Variants in MEOX2 observed in about 807,000 individuals in gnomAD.
MEOX2 encodes the protein homeobox protein MOX-2.
Under a neutral mutation model 27.0 loss-of-function variants are expected in MEOX2, and 11 were observed. That is an observed-to-expected ratio of 0.41 (90% CI 0.26 to 0.68). The LOEUF is 0.68. Ranked by LOEUF, MEOX2 falls within the 30% of genes least tolerant of loss-of-function variation. The pLI is 0.33. For synonymous variants in MEOX2, 189 were observed against 155.4 expected (o/e 1.22, Z -1.61); for missense variants, 436 against 385.4 (o/e 1.13, Z -1.10).
At chr7:15,655,885 T>A (rs1781812163) in intron 1 of MEOX2, among the ~76,000 whole-genome samples, 1 of 151,798 alleles carries the variant, frequency 6.6e-6, no homozygotes. Flanking sequence ...ATGGTGTTGT[T>A]AAGTTTTTTT....
At chr7:15,628,866 C>T (rs1781357143) in intron 1 of MEOX2, among the ~76,000 whole-genome samples, 1 of 152,072 alleles carries the variant, frequency 6.6e-6, no homozygotes, top group South Asian at 2.1e-4. Flanking sequence ...TTCTTGCAGC[C>T]TGCAAACTCA....
intron 1 of MEOX2, among the ~76,000 whole-genome samples, chr7:15,627,540 C>G (rs1045980096): frequency 1.3e-5 from 2 of 151,916 alleles, no homozygotes; most frequent in Non-Finnish European, 2.9e-5. Flanking sequence ...ATGACTTAAA[C>G]TATGAACAGA....
intron 1 of MEOX2, among the ~76,000 whole-genome samples, chr7:15,635,433 T>C (rs1781465849): frequency 6.6e-6 from 1 of 151,980 alleles, no homozygotes; most frequent in Non-Finnish European, 1.5e-5. Flanking sequence ...ATTAAGAGCA[T>C]CCTCTCTGCT....
chr7:15,625,709 T>C (rs1170935790), intron 2 of MEOX2, among the ~76,000 whole-genome samples: 1 of 152,158 alleles, frequency 6.6e-6, no homozygotes, highest in Non-Finnish European at 1.5e-5. Flanking sequence ...TGCATTTGCC[T>C]TTCAGGAATG....
At chr7:15,644,864 C>A (rs1781618102) in intron 1 of MEOX2, among the ~76,000 whole-genome samples, 1 of 152,110 alleles carries the variant, frequency 6.6e-6, no homozygotes, top group African/African-American at 2.4e-5. Context: ...GATTCCAAGC[C>A]AGTAAGCTAA....
rs772153901 is a variant in MEOX2, at chr7:15,686,050, G to T, written c.353C>A (p.Pro118Gln). The T allele has an allele frequency of 6.2e-7, 1 of 1,603,930 alleles. No homozygotes were observed. The highest frequency in any genetic ancestry group is 1.7e-5 in the Admixed American group (1 of 59,278). Reference protein sequence around the residue: ...LCLQPDSGGPPELGSSPPVLC... With the variant: ...LCLQPDSGGPQELGSSPPVLC... ...GACGGGCGGGCTGCTCCCCAACTCT[G>T]GGGGCCCTCCAGAGTCGGGCTGGAG... The change falls in exon 1 of 3, where the codon CCA becomes CAA. Residue 118 changes from proline (P) to glutamine (Q), a missense_variant. Pro to Gln is a moderately conservative substitution (Grantham distance 76, BLOSUM62 -1). Coordinates refer to ENST00000262041, the MANE Select transcript of MEOX2 (RefSeq NM_005924.5).
At chr7:15,660,979 C>T (rs544666178) in intron 1 of MEOX2, among the ~76,000 whole-genome samples, 1 of 129,312 alleles carries the variant, frequency 7.7e-6, no homozygotes, top group South Asian at 2.5e-4. Flanking sequence ...TGCCATTGCA[C>T]TCCAGCCTTG....
At chr7:15,639,795 G>A (rs1353704164) in intron 1 of MEOX2, among the ~76,000 whole-genome samples, 1 of 151,942 alleles carries the variant, frequency 6.6e-6, no homozygotes, top group Non-Finnish European at 1.5e-5. Context: ...TTATTTCTAG[G>A]CTCTCTATTC....
In MEOX2 at chr7:15,626,791, C is replaced by T; in HGVS notation, c.645G>A (p.Leu215=). 2 of 1,608,646 alleles carry T rather than the reference C, an allele frequency of 1.2e-6. No individual in the cohort carries two copies. The highest frequency in any genetic ancestry group is 1.7e-6 in the Non-Finnish European group (2 of 1,178,138). The change falls in exon 2 of 3, where the codon CTG becomes CTA. Residue 215 remains leucine, a synonymous_variant. Coordinates refer to ENST00000262041, the MANE Select transcript of MEOX2 (RefSeq NM_005924.5). The part of the protein sequence containing the change: ...EFAHHNYLTR[L]RRYEIAVNLD... ...GATTCACTGCTATCTCGTATCGCCT[C>T]AGTCTGGTGAGATAATTATGATGGG...
intron 2 of MEOX2, among the ~76,000 whole-genome samples, chr7:15,614,475 A>T (rs931841101): frequency 1.3e-5 from 2 of 152,070 alleles, no homozygotes; most frequent in African/African-American, 4.8e-5. Context: ...TACTGATTTT[A>T]GTATATAGTC....
chr7:15,677,599 TC>T (rs1583793546), intron 1 of MEOX2: 1 of 152,176 alleles, frequency 6.6e-6, no homozygotes, highest in Non-Finnish European at 1.5e-5. Flanking sequence ...CCATCTGAGG[TC>T]CCAACTTTTC....
At chr7:15,683,627 T>G (rs1782327570) in intron 1 of MEOX2, among the ~76,000 whole-genome samples, 1 of 152,148 alleles carries the variant, frequency 6.6e-6, no homozygotes, top group African/African-American at 2.4e-5. Context: ...GAAAGATATC[T>G]TTAATTTAAA....
Position 15,685,918 on chromosome 7 carries a change from C to A in MEOX2, c.485G>T (p.Arg162Leu). 28 of 1,608,488 alleles carry A rather than the reference C, an allele frequency of 1.7e-5. No homozygotes were observed. Among genetic ancestry groups the A allele is most frequent in the Non-Finnish European group, 2.2e-5 (26 of 1,177,740 alleles). ...QALSPAEAEK[R>L]SGGKRKSDSS... ...GTCGCTTTTCCTCTTGCCGCCGCTT[C>A]GCTTCTCCGCCTCCGCAGGTGACAG... Residue 162 changes from arginine (R) to leucine (L), a missense_variant, in exon 1 of 3, where the codon CGA becomes CTA. Physicochemically the swap from Arg to Leu is moderately radical, Grantham distance 102. Transcript: ENST00000262041.
chr7:15,611,267 T>A lies in MEOX2; in HGVS notation c.*1120A>T, dbSNP rs926049990. On this transcript the variant is annotated 3_prime_UTR_variant, in exon 3 of 3. Transcript: ENST00000262041. ...TTTTAAAAACAAAATACAAAGATAG[T>A]TGTTCTGCATGAATACATCACATAT... The A allele has an allele frequency of 6.6e-6, 1 of 152,154 alleles. No individual in the cohort carries two copies. The highest frequency in any genetic ancestry group is 2.4e-5 in the African/African-American group (1 of 41,444). 9.4% of individuals were successfully genotyped at this position (152,154 alleles called of 1,614,324 possible).
At chr7:15,660,630 A>C (rs1562609238) in intron 1 of MEOX2, among the ~76,000 whole-genome samples, 1 of 152,032 alleles carries the variant, frequency 6.6e-6, no homozygotes, top group African/African-American at 2.4e-5. Flanking sequence ...GAACAAAATC[A>C]CTCTGATTTG....
intron 1 of MEOX2, among the ~76,000 whole-genome samples, chr7:15,648,742 G>A (rs1781688389): frequency 1.3e-5 from 2 of 152,046 alleles, no homozygotes; most frequent in Admixed American, 1.3e-4. Flanking sequence ...CGAAAGTGCT[G>A]CAGCATCAAT....
intron 1 of MEOX2, among the ~76,000 whole-genome samples, chr7:15,628,165 C>A (rs569307195): frequency 6.6e-6 from 1 of 151,728 alleles, no homozygotes; most frequent in East Asian, 1.9e-4. Flanking sequence ...TTTTTTCATG[C>A]AATGATGCTT....
intron 1 of MEOX2, among the ~76,000 whole-genome samples, chr7:15,633,427 T>C (rs977499616): frequency 1.3e-5 from 2 of 151,862 alleles, no homozygotes; most frequent in African/African-American, 4.8e-5. Flanking sequence ...GAAAGAATTG[T>C]GACATTTCTA....
At chr7:15,632,081 G>A (rs1243816919) in intron 1 of MEOX2, among the ~76,000 whole-genome samples, 3 of 151,780 alleles carry the variant, frequency 2.0e-5, no homozygotes, top group African/African-American at 4.8e-5. Context: ...GGTCTCTAAA[G>A]TCCTCCATAC....
Sources: gnomAD v4.1 joint callset for allele counts (sites outside exome capture counted in the v4.1 genomes callset) on GRCh38, gnomAD v4.1.1 for gene constraint, MANE v1.5 for transcripts, NCBI Gene and HGNC (gene_info 2026-07-23, HGNC 2026-07-21) for gene names.